The following ST7 variants were observed in gnomAD, a reference collection of about 807,000 sequenced individuals.
ST7 encodes suppressor of tumorigenicity 7 protein.
ST7 carries 28 observed loss-of-function variants against 78.7 expected under a neutral mutation model. The ratio of observed to expected loss-of-function variants is 0.36; its 90% CI spans 0.26 to 0.49. The LOEUF (loss-of-function observed/expected upper bound fraction) is 0.49. ST7 is among the 20% of genes least tolerant of loss of function. The pLI, the probability that ST7 is intolerant of heterozygous loss-of-function variation, is 0.99. For missense variants in ST7, 418 were observed against 696.0 expected, an observed-to-expected ratio of 0.60 and a Z score of 4.49; for synonymous variants, 247 against 249.6, an observed-to-expected ratio of 0.99 and a Z score of 0.10.
At chr7:117,158,548 G>C (rs1448150608) in intron 9 of ST7, among the ~76,000 whole-genome samples, 4 of 152,202 alleles carry the variant, frequency 2.6e-5, no homozygotes, top group African/African-American at 9.6e-5. Flanking sequence ...TGAAGAACTT[G>C]TTAACTGGTG....
At chr7:117,191,565 C>T (rs1394929334) in intron 12 of ST7, 1 of 151,930 alleles carries the variant, frequency 6.6e-6, no homozygotes, top group Non-Finnish European at 1.5e-5. Context: ...GGGAATATTT[C>T]TGTAATCTTT....
intron 1 of ST7, among the ~76,000 whole-genome samples, chr7:117,025,584 G>T (rs1220328864): frequency 1.3e-5 from 2 of 152,044 alleles, no homozygotes; most frequent in Admixed American, 6.6e-5. Flanking sequence ...GAATGTAAAA[G>T]AAAAATATTG....
chr7:117,061,568 A>T (rs975466769), intron 1 of ST7, among the ~76,000 whole-genome samples: 7 of 152,202 alleles, frequency 4.6e-5, no homozygotes, highest in Non-Finnish European at 8.8e-5. Flanking sequence ...AAAAACTTAG[A>T]TGTAAATGTT....
intron 10 of ST7, among the ~76,000 whole-genome samples, chr7:117,184,943 C>G (rs112212145): frequency 9.9e-5 from 15 of 152,018 alleles, no homozygotes; most frequent in Admixed American, 9.2e-4. Context: ...CTAATTATGT[C>G]GAAATATTAA....
chr7:116,955,551 A>T (rs1461061378), intron 1 of ST7, among the ~76,000 whole-genome samples: 1 of 152,222 alleles, frequency 6.6e-6, no homozygotes, highest in Non-Finnish European at 1.5e-5. Context: ...CCACCTTTCA[A>T]CACTTTTGCA....
Position 116,971,936 on chromosome 7 carries a change from C to A in ST7, c.151+18245C>A, listed in dbSNP as rs1397119481. ...AGACATTATGCATTGTGCTCACATTCCCTTAAATGTTGTTTCCAAAGGTGC... is the reference window on the plus strand; with the variant it reads ...AGACATTATGCATTGTGCTCACATTACCTTAAATGTTGTTTCCAAAGGTGC... On this transcript the variant is annotated intron_variant, in intron 1 of 15. Coordinates refer to ENST00000323984, the MANE Select transcript of ST7 (RefSeq NM_001369598.1). Among the ~76,000 whole-genome samples, 4 of 152,296 alleles carry A rather than the reference C, an allele frequency of 2.6e-5. No homozygotes were observed. The East Asian group carries it at 7.7e-4, about 29-fold the overall frequency.
At chr7:117,220,560 A>G (rs187280997) in intron 14 of ST7, among the ~76,000 whole-genome samples, 2 of 152,246 alleles carry the variant, frequency 1.3e-5, no homozygotes, top group African/African-American at 4.8e-5. Flanking sequence ...TATTAGAACA[A>G]GATTACAGTT....
chr7:117,137,843 G>T (rs1042135437), intron 8 of ST7, among the ~76,000 whole-genome samples: 1 of 152,082 alleles, frequency 6.6e-6, no homozygotes, highest in African/African-American at 2.4e-5. Context: ...TTTAGTGATT[G>T]TTGTTACAAC....
chr7:117,022,633 C>A (rs531336411), intron 1 of ST7, among the ~76,000 whole-genome samples: 1 of 152,102 alleles, frequency 6.6e-6, no homozygotes. Context: ...AAGGGATCTC[C>A]CAAACCATCT....
At chr7:117,077,421 T>G (rs1445925295) in intron 1 of ST7, among the ~76,000 whole-genome samples, 2 of 152,348 alleles carry the variant, frequency 1.3e-5, no homozygotes, top group East Asian at 3.9e-4. Context: ...CAGTGATTTA[T>G]AAATATTGTC....
At chr7:117,226,911 T>C (rs1464685413) in intron 15 of ST7, among the ~76,000 whole-genome samples, 2 of 152,202 alleles carry the variant, frequency 1.3e-5, no homozygotes, top group East Asian at 3.8e-4. Context: ...TTCGTATTCT[T>C]GTGGAACCTT....
chr7:117,157,588 A>G (rs1806800757), intron 9 of ST7, among the ~76,000 whole-genome samples: 1 of 152,230 alleles, frequency 6.6e-6, no homozygotes, highest in African/African-American at 2.4e-5. Flanking sequence ...TGTGCCCCAG[A>G]TAACCATATG....
At chr7:117,049,700 A>G (rs547398000) in intron 1 of ST7, among the ~76,000 whole-genome samples, 2 of 152,188 alleles carry the variant, frequency 1.3e-5, no homozygotes, top group Non-Finnish European at 2.9e-5. Flanking sequence ...TCTTTGTTTT[A>G]CAATGATTCT....
At chr7:117,147,122 A>G (rs10228205) in intron 9 of ST7, among the ~76,000 whole-genome samples, 18,359 of 151,916 alleles carry the variant, frequency 0.12, 2,024 homozygotes, top group African/African-American at 0.29. Flanking sequence ...CTGTTTTTCA[A>G]TCTGTCCATT....
intron 9 of ST7, among the ~76,000 whole-genome samples, chr7:117,162,134 A>T (rs1807207430): frequency 6.6e-6 from 1 of 152,052 alleles, no homozygotes; most frequent in Non-Finnish European, 1.5e-5. Context: ...TCTCATTTTT[A>T]TGAATTGCCT....
chr7:117,167,602 G>A lies in ST7; in HGVS notation c.964-3260G>A, dbSNP rs965751103. On this transcript the variant is annotated intron_variant, in intron 9 of 15. Transcript: ENST00000323984. ...GTTAGGTTGTGGAAGTCATCCCCAT[G>A]GAGATGCTGATGCTGAGACCCTGGA... Among the ~76,000 whole-genome samples, 4 of 152,000 alleles carry A rather than the reference G, an allele frequency of 2.6e-5. No homozygotes were observed. In the East Asian group the frequency reaches 7.8e-4, roughly 29 times the overall value.
intron 2 of ST7, among the ~76,000 whole-genome samples, chr7:117,106,059 C>T (rs998386401): frequency 1.3e-5 from 2 of 151,864 alleles, no homozygotes; most frequent in Non-Finnish European, 2.9e-5. Flanking sequence ...ACTGCAGTGG[C>T]GCAATCTCGG....
chr7:117,117,373 C>T (rs1472417762), intron 2 of ST7, among the ~76,000 whole-genome samples: 5 of 151,988 alleles, frequency 3.3e-5, no homozygotes, highest in Admixed American at 6.6e-5. Flanking sequence ...CCTGGAGCAC[C>T]GCTTGTGATT....
intron 1 of ST7, among the ~76,000 whole-genome samples, chr7:116,985,673 G>T (rs1474124364): frequency 6.6e-6 from 1 of 152,194 alleles, no homozygotes; most frequent in Non-Finnish European, 1.5e-5. Context: ...GTATAATAGA[G>T]ATTGTGTGGG....
Sources: allele counts gnomAD v4.1 joint callset (sites outside exome capture counted in the v4.1 genomes callset), GRCh38; gene constraint gnomAD v4.1.1; transcripts MANE v1.5; gene names NCBI Gene and HGNC (gene_info 2026-07-23, HGNC 2026-07-21).